The following ENTPD5 variants were observed in gnomAD, a reference collection of about 807,000 sequenced individuals.
ENTPD5 encodes the protein ectonucleoside triphosphate diphosphohydrolase 5 (inactive), also known as nucleoside diphosphate phosphatase ENTPD5.
Under a neutral mutation model 60.2 loss-of-function variants are expected in ENTPD5, and 49 were observed. The ratio of observed to expected loss-of-function variants is 0.81; its 90% confidence interval spans 0.65 to 1.03. ENTPD5 has a LOEUF of 1.03. Among genes scored for constraint, ENTPD5 ranks in the 50% least tolerant of loss-of-function variants. The pLI is 0.00. For missense variants in ENTPD5, 480 were observed against 507.6 expected (o/e 0.95, Z 0.52); for synonymous variants, 187 against 185.4 (o/e 1.01, Z -0.07).
intron 3 of ENTPD5, among the ~76,000 whole-genome samples, chr14:73,999,791 C>CA (rs202236341): frequency 0.014 from 2,018 of 141,150 alleles, 48 homozygotes; most frequent in African/African-American, 0.05. Context: ...GACTCCGTCT[C>CA]AAAAAAAAAG....
At chr14:73,958,959 G>C, downstream of ENTPD5, 1 of 1,613,504 alleles carries the variant, frequency 6.2e-7, no homozygotes, top group Non-Finnish European at 8.5e-7. Flanking sequence ...GCAGGCTCAT[G>C]TGTCCATGCA....
downstream of ENTPD5, chr14:73,955,489 A>G (rs1000388352): frequency 1.9e-6 from 3 of 1,614,176 alleles, no homozygotes; most frequent in Admixed American, 5.0e-5. Context: ...CATGAGATAC[A>G]GAGCCTTTCG....
Position 73,975,989 on chromosome 14 carries a change from G to GC in ENTPD5, c.668dup (p.Tyr224LeufsTer6), listed in dbSNP as rs542432941. ...TAAACATCTCAAAGGAAGTGAGGTA[G>GC]CCCCTAGGAGTTTGTTCCAGAGTTT... is the stretch of plus-strand genomic sequence containing the variant. On this transcript the variant is annotated frameshift_variant, in exon 10 of 16. Transcript: ENST00000334696. LOFTEE classifies it high-confidence loss of function. 166 of 1,613,542 alleles carry GC rather than the reference G, an allele frequency of 1.0e-4. No homozygotes were observed. In the African/African-American group the frequency reaches 2.0e-3, roughly 20 times the overall value.
chr14:73,992,755 C>T (rs534220332), intron 3 of ENTPD5, among the ~76,000 whole-genome samples: 5 of 151,752 alleles, frequency 3.3e-5, no homozygotes, highest in Non-Finnish European at 7.4e-5. Context: ...ATCATCTCAG[C>T]ATTTTGGGAG....
At chr14:73,987,240 T>C (rs2057940943) in intron 4 of ENTPD5, 1 of 679,852 alleles carries the variant, frequency 1.5e-6, no homozygotes, top group Non-Finnish European at 2.7e-6. Flanking sequence ...ATGTGATCCT[T>C]CTCCCAAAAC....
intron 1 of ENTPD5, among the ~76,000 whole-genome samples, chr14:74,018,168 ACT>A (rs781344018): frequency 3.4e-5 from 5 of 147,538 alleles, no homozygotes; most frequent in East Asian, 2.0e-4. Flanking sequence ...GTGACAGAAG[ACT>A]CTCTCTCAGA....
chr14:73,969,462 T>G (rs113710888), intron 15 of ENTPD5, among the ~76,000 whole-genome samples: 7 of 152,096 alleles, frequency 4.6e-5, no homozygotes, highest in African/African-American at 4.8e-5. Flanking sequence ...GAGTTCGAGG[T>G]GGGCGGATCA....
chr14:73,969,718 T>A (rs184298362), intron 15 of ENTPD5, among the ~76,000 whole-genome samples: 2,519 of 151,174 alleles, frequency 0.017, 34 homozygotes, highest in South Asian at 0.041. Flanking sequence ...AAAATAATAA[T>A]AAATAAATAA....
At chr14:73,990,099 C>A (rs1247970571) in intron 3 of ENTPD5, among the ~76,000 whole-genome samples, 2 of 151,844 alleles carry the variant, frequency 1.3e-5, no homozygotes, top group African/African-American at 4.8e-5. Flanking sequence ...GTAGGAAGAC[C>A]ACTTGAGTCC....
Position 73,965,715 on chromosome 14 carries a change from C to T in ENTPD5, c.*1213G>A, listed in dbSNP as rs1263011472. On this transcript the variant is annotated 3_prime_UTR_variant, in exon 16 of 16. Coordinates refer to ENST00000334696, the MANE Select transcript of ENTPD5 (RefSeq NM_001249.5). ...TAGCCTGAGCAACAGAGCAAGACTC[C>T]ATCTCAAAAAAAAGTGCAAGATAAT... 6.6e-6 allele frequency: 1 copy of T among 150,768 alleles called. No homozygotes were observed. Among genetic ancestry groups the T allele is most frequent in the Non-Finnish European group, 1.5e-5 (1 of 67,768 alleles). The allele number at this position is 150,768 out of a possible 1,614,324, so 9.3% of individuals were successfully genotyped here. A position where few individuals can be genotyped will look rare whatever the true frequency, so the allele number is the denominator to read the frequency against.
At chr14:73,955,501 C>T (rs376848848), downstream of ENTPD5, 25 of 1,613,688 alleles carry the variant, frequency 1.5e-5, no homozygotes, top group African/African-American at 5.3e-5. Context: ...AGCCTTTCGG[C>T]GAATGCAGGT....
chr14:73,980,821 G>C (rs1215094564), intron 6 of ENTPD5, among the ~76,000 whole-genome samples: 1 of 152,162 alleles, frequency 6.6e-6, no homozygotes, highest in East Asian at 1.9e-4. Flanking sequence ...AGTTTGGCTG[G>C]GCACAATGGC....
At chr14:73,958,315 A>G, downstream of ENTPD5, 2 of 1,612,976 alleles carry the variant, frequency 1.2e-6, no homozygotes, top group East Asian at 2.2e-5. Flanking sequence ...GGTCTTGTAT[A>G]TCTACATCTT....
At chr14:73,995,223 T>C (rs1594921762) in intron 3 of ENTPD5, among the ~76,000 whole-genome samples, 1 of 151,930 alleles carries the variant, frequency 6.6e-6, no homozygotes, top group East Asian at 1.9e-4. Flanking sequence ...TAATTTTGTA[T>C]TTTTAATAGA....
chr14:73,995,098 G>A (rs1264457362), intron 3 of ENTPD5, among the ~76,000 whole-genome samples: 2 of 150,328 alleles, frequency 1.3e-5, no homozygotes. Flanking sequence ...ACCCAGGCTG[G>A]AGTGCAGTTG....
At chr14:73,998,726 G>A (rs1475990593) in intron 3 of ENTPD5, among the ~76,000 whole-genome samples, 1 of 152,124 alleles carries the variant, frequency 6.6e-6, no homozygotes, top group Non-Finnish European at 1.5e-5. Flanking sequence ...TCCTGAGGAG[G>A]GAAATGAATT....
downstream of ENTPD5, chr14:73,961,612 T>C (rs377363165): frequency 3.9e-5 from 63 of 1,609,784 alleles, 1 homozygote; most frequent in Middle Eastern, 5.0e-4. Context: ...AGAGGTCATA[T>C]AGTTAGGCAA....
At chr14:73,960,027 T>C, downstream of ENTPD5, 1 of 1,020,104 alleles carries the variant, frequency 9.8e-7, no homozygotes, top group Non-Finnish European at 1.2e-6. Flanking sequence ...GGTTGTGGGC[T>C]GCTGTTAGGC....
downstream of ENTPD5, chr14:73,955,724 A>C (rs2056401309): frequency 6.3e-7 from 1 of 1,598,342 alleles, no homozygotes; most frequent in South Asian, 1.1e-5. Context: ...CTGCTCTGTC[A>C]CTTGGGAAAG....
Sources: gnomAD v4.1 joint callset for allele counts (sites outside exome capture counted in the v4.1 genomes callset) on GRCh38, gnomAD v4.1.1 for gene constraint, MANE v1.5 for transcripts, NCBI Gene and HGNC (gene_info 2026-07-23, HGNC 2026-07-21) for gene names.